The following NLRC5 variants were observed in gnomAD, a reference collection of about 807,000 sequenced individuals.
NLRC5 encodes the protein NLR family CARD domain containing 5, also known as protein NLRC5.
In NLRC5, 114 loss-of-function variants were observed where a neutral mutation model predicts 206.9. That is an observed-to-expected ratio of 0.55 (90% confidence interval 0.47 to 0.64). The LOEUF is 0.64. Ranked by LOEUF, NLRC5 falls within the 30% of genes least tolerant of loss-of-function variation. The pLI is 0.00. For synonymous variants in NLRC5, 952 were observed against 962.8 expected (o/e 0.99, Z 0.21); for missense variants, 2,008 against 2,305.5 (o/e 0.87, Z 2.64).
intron 1 of NLRC5, among the ~76,000 whole-genome samples, chr16:56,996,570 A>G (rs534469679): frequency 6.6e-6 from 1 of 152,280 alleles, no homozygotes; most frequent in African/African-American, 2.4e-5. Context: ...GTTTCTAGAA[A>G]AGCTTTAAGG....
chr16:57,074,529 G>C (rs1178830782), intron 38 of NLRC5, 71 bp from the exon 39 acceptor site: 4 of 1,333,696 alleles, frequency 3.0e-6, no homozygotes, highest in Non-Finnish European at 4.3e-6. Context: ...TAAGCACAGA[G>C]GCCTCAGACC....
intron 1 of NLRC5, among the ~76,000 whole-genome samples, chr16:56,997,835 C>A (rs2057793221): frequency 6.6e-6 from 1 of 152,196 alleles, no homozygotes; most frequent in Non-Finnish European, 1.5e-5. Flanking sequence ...CCTGCTTCAG[C>A]CTCCCAAAGT....
chr16:57,027,014 C>A lies in NLRC5; in HGVS notation c.2071C>A (p.Leu691Ile), dbSNP rs775509644. Residue 691 changes from leucine (L) to isoleucine (I), a missense_variant, in exon 6 of 49, where the codon CTC (leucine) becomes ATC (isoleucine). Transcript: ENST00000688547. ...GGTAGGCTGTGGGCAGATAGAGAATCTCAGGTGAGTAAGAGTGGAGGAGGA... is the reference window on the plus strand; with the variant it reads ...GGTAGGCTGTGGGCAGATAGAGAATATCAGGTGAGTAAGAGTGGAGGAGGA... Reference protein sequence around the residue: ...ALVGCGQIENLSFKSRKCGDA... With the variant: ...ALVGCGQIENISFKSRKCGDA... 6.2e-7 allele frequency: 1 copy of A among 1,612,698 alleles called. No individual in the cohort carries two copies. Among genetic ancestry groups the A allele is most frequent in the Non-Finnish European group, 8.5e-7 (1 of 1,179,080 alleles).
At chr16:57,035,882 C>T (rs1166543160) in intron 13 of NLRC5, among the ~76,000 whole-genome samples, 1 of 152,122 alleles carries the variant, frequency 6.6e-6, no homozygotes, top group Non-Finnish European at 1.5e-5. Context: ...ATTACAGTGC[C>T]CACGTCATCG....
intron 1 of NLRC5, among the ~76,000 whole-genome samples, chr16:57,005,022 C>T (rs938491600): frequency 3.4e-4 from 52 of 152,258 alleles, no homozygotes; most frequent in African/African-American, 1.2e-3. Context: ...TGGCCATTTT[C>T]CCTCCACCTT....
At chr16:57,068,961 T>C (rs2067346750) in intron 36 of NLRC5, among the ~76,000 whole-genome samples, 1 of 152,246 alleles carries the variant, frequency 6.6e-6, no homozygotes, top group African/African-American at 2.4e-5. Context: ...AGTCTGCCCT[T>C]TGGGCAGGAA....
intron 33 of NLRC5, 24 bp from the exon 34 acceptor site, chr16:57,066,510 C>G: frequency 6.2e-7 from 1 of 1,612,060 alleles, no homozygotes; most frequent in Non-Finnish European, 8.5e-7. Context: ...CCCGACCTCA[C>G]GTTGGTTACT....
At chr16:57,077,642 T>C in intron 41 of NLRC5, 77 bp from the exon 42 acceptor site, 1 of 1,411,742 alleles carries the variant, frequency 7.1e-7, no homozygotes, top group South Asian at 1.4e-5. Flanking sequence ...GAAGCAGGGG[T>C]GGCAGACCCA....
intron 11 of NLRC5, 39 bp from the exon 12 acceptor site, chr16:57,033,565 T>G: frequency 6.2e-7 from 1 of 1,603,224 alleles, no homozygotes; most frequent in South Asian, 1.1e-5. Context: ...AGGCCCTAGA[T>G]GCCTGAGCCC....
chr16:56,989,853 C>G (rs2056587770), intron 1 of NLRC5, among the ~76,000 whole-genome samples: 1 of 152,164 alleles, frequency 6.6e-6, no homozygotes, highest in South Asian at 2.1e-4. Flanking sequence ...GAGTTGCCGG[C>G]CCGCAGAGGA....
At chr16:57,011,496 G>A (rs1406330574) in intron 1 of NLRC5, among the ~76,000 whole-genome samples, 1 of 152,098 alleles carries the variant, frequency 6.6e-6, no homozygotes, top group Non-Finnish European at 1.5e-5. Flanking sequence ...CTGATGAGGG[G>A]AGAATCACTT....
intron 1 of NLRC5, among the ~76,000 whole-genome samples, chr16:57,008,711 G>T (rs2059176562): frequency 6.8e-6 from 1 of 147,094 alleles, no homozygotes; most frequent in Non-Finnish European, 1.5e-5. Flanking sequence ...TATCGAAATT[G>T]GCCAAAAGTG....
intron 5 of NLRC5, 65 bp from the exon 6 acceptor site, chr16:57,025,303 G>A: frequency 1.3e-6 from 2 of 1,500,194 alleles, no homozygotes; most frequent in South Asian, 2.7e-5. Context: ...CCAATACTGG[G>A]GCAAGAAGAC....
chr16:57,078,538 C>T (rs1413778234), intron 43 of NLRC5, among the ~76,000 whole-genome samples: 3 of 148,440 alleles, frequency 2.0e-5, no homozygotes, highest in African/African-American at 7.6e-5. Flanking sequence ...GTGGTGCAAC[C>T]TCGGCTCACT....
intron 21 of NLRC5, 38 bp downstream of exon 21, chr16:57,045,530 C>G (rs13334317): frequency 0.03 from 47,705 of 1,602,960 alleles, 900 homozygotes; most frequent in African/African-American, 0.086. Flanking sequence ...AGTCCCCTCC[C>G]GCTCTGGTCC....
At chr16:57,038,423 A>C (rs1000219279) in intron 15 of NLRC5, among the ~76,000 whole-genome samples, 1 of 151,832 alleles carries the variant, frequency 6.6e-6, no homozygotes, top group Non-Finnish European at 1.5e-5. Flanking sequence ...ATGCCTGGCA[A>C]TTTTTTTTAT....
chr16:57,026,775 AG>A lies in NLRC5; in HGVS notation c.1834del (p.Val612LeufsTer2). On this transcript the variant is annotated frameshift_variant, in exon 6 of 49. Transcript: ENST00000688547. LOFTEE classifies it high-confidence loss of function. The stretch of plus-strand genomic sequence containing the variant: ...GCCACCCGCAAGCTCACAGGGCCAA[AG>A]GTTGTAGAGCTGTGTCACTGTGTGG... ...KLATRKLTGP[K>X]VVELCHCVDE... is the part of the protein sequence containing the mutation. 1 of 1,614,126 alleles carries A rather than the reference AG, an allele frequency of 6.2e-7. No individual in the cohort carries two copies. Among genetic ancestry groups the A allele is most frequent in the Non-Finnish European group, 8.5e-7 (1 of 1,179,988 alleles).
rs932502416 is a variant in NLRC5, at chr16:57,061,715, C to G, written c.4154+14C>G. The G allele has an allele frequency of 1.1e-5, 17 of 1,594,982 alleles. No individual in the cohort carries two copies. The highest frequency in any genetic ancestry group is 1.4e-5 in the Non-Finnish European group (17 of 1,173,442). ...GTTCAGCCTCAGGTACCTCCTCCCC[C>G]GCTGCCTCCGGGAGGGGCCATGGCA... On this transcript the variant is annotated intron_variant, in intron 32 of 48. Transcript: ENST00000688547.
intron 1 of NLRC5, among the ~76,000 whole-genome samples, chr16:56,992,620 G>A (rs974477692): frequency 1.1e-4 from 16 of 151,792 alleles, no homozygotes; most frequent in Admixed American, 2.6e-4. Flanking sequence ...GGGATTATAG[G>A]CACCTGCCCC....
Sources: gnomAD v4.1 joint callset for allele counts (sites outside exome capture counted in the v4.1 genomes callset) on GRCh38, gnomAD v4.1.1 for gene constraint, MANE v1.5 for transcripts, NCBI Gene and HGNC (gene_info 2026-07-23, HGNC 2026-07-21) for gene names.